The following TRIP12 variants were observed in gnomAD, a reference collection of about 807,000 sequenced individuals.
The protein encoded by TRIP12 is E3 ubiquitin-protein ligase TRIP12.
In TRIP12, 25 loss-of-function variants were observed where a neutral mutation model predicts 244.2. The ratio of observed to expected loss-of-function variants is 0.10; its 90% CI spans 0.07 to 0.14. The LOEUF is 0.14. Among genes scored for constraint, TRIP12 ranks in the 10% least tolerant of loss-of-function variants. The pLI is 1.00. For synonymous variants in TRIP12, 905 were observed against 873.1 expected (o/e 1.04, Z -0.64); for missense variants, 1,677 against 2,486.4 (o/e 0.67, Z 6.92).
At chr2:229,767,817 T>C in intron 41 of TRIP12, 67 bp from the exon 42 acceptor site, 1 of 1,471,486 alleles carries the variant, frequency 6.8e-7, no homozygotes, top group Non-Finnish European at 9.2e-7. Context: ...CAGAAAACAT[T>C]CCACTGCTTT....
chr2:229,892,310 G>A (rs765841195), intron 1 of TRIP12, among the ~76,000 whole-genome samples: 1 of 152,104 alleles, frequency 6.6e-6, no homozygotes, highest in Non-Finnish European at 1.5e-5. Flanking sequence ...AGAAGCAGGG[G>A]GAAGGAAAGG....
intron 2 of TRIP12, among the ~76,000 whole-genome samples, chr2:229,863,238 AAAAG>A (rs1309475716): frequency 1.2e-4 from 18 of 152,018 alleles, no homozygotes; most frequent in South Asian, 2.1e-4. Flanking sequence ...CGAAAAAAAA[AAAAG>A]AAAGAAAGAA....
intron 2 of TRIP12, among the ~76,000 whole-genome samples, chr2:229,865,313 A>C (rs1295879217): frequency 1.3e-5 from 1 of 75,556 alleles, no homozygotes; most frequent in Non-Finnish European, 2.6e-5. Context: ...ATCCTCTCTC[A>C]ACTACAAAAA....
chr2:229,889,399 G>C (rs896505826), intron 1 of TRIP12, among the ~76,000 whole-genome samples: 2 of 152,126 alleles, frequency 1.3e-5, no homozygotes, highest in Non-Finnish European at 2.9e-5. Flanking sequence ...TCCTGTCTTA[G>C]CTCAGATGGC....
In TRIP12 at chr2:229,858,894, A is replaced by C. The variant is rs202077074; in HGVS notation, c.905T>G (p.Phe302Cys). The change falls in exon 4 of 42, where the codon TTT becomes TGT. Residue 302 changes from phenylalanine to cysteine, a missense_variant. By Grantham distance (205) the Phe-to-Cys change is radical (BLOSUM62 -2). Around this residue, in one of 11 missense-constraint regions of TRIP12, gnomAD observed 387 missense variants for 392.6 expected, o/e 0.99. Transcript: ENST00000675903. Reference protein sequence around the residue: ...EQSKTGGSSKFDWAARFSPKV... With the variant: ...EQSKTGGSSKCDWAARFSPKV... ...AGGGCTGAAACGAGCAGCCCAATCA[A>C]ATTTTGAAGAGCCACCAGTTTTACT... 52 of 1,614,012 alleles carry C rather than the reference A, an allele frequency of 3.2e-5. No homozygotes were observed. Among genetic ancestry groups the C allele is most frequent in the Non-Finnish European group, 7.6e-6 (9 of 1,180,020 alleles).
intron 3 of TRIP12, 24 bp downstream of exon 3, chr2:229,860,382 T>G: frequency 6.3e-7 from 1 of 1,584,542 alleles, no homozygotes; most frequent in Admixed American, 1.8e-5. Flanking sequence ...GCCTTGAAAA[T>G]GTATAAGCAA....
chr2:229,906,310 A>C (rs139408053), intron 1 of TRIP12, among the ~76,000 whole-genome samples: 6,043 of 151,250 alleles, frequency 0.04, 186 homozygotes, highest in Non-Finnish European at 0.062. Context: ...TCTCAAAAAA[A>C]AAAAAAAAGA....
intron 4 of TRIP12, among the ~76,000 whole-genome samples, chr2:229,850,010 G>A (rs2058359301): frequency 6.6e-6 from 1 of 150,866 alleles, no homozygotes; most frequent in Non-Finnish European, 1.5e-5. Flanking sequence ...TGTATATTTT[G>A]GTACTTTCTG....
chr2:229,767,800 C>T (rs2032298777), intron 41 of TRIP12, 50 bp from the exon 42 acceptor site: 1 of 1,548,998 alleles, frequency 6.5e-7, no homozygotes, highest in Non-Finnish European at 8.7e-7. Flanking sequence ...TAAAAAACAT[C>T]AGCTATCAGA....
At chr2:229,851,542 C>T (rs911368391) in intron 4 of TRIP12, among the ~76,000 whole-genome samples, 10 of 152,148 alleles carry the variant, frequency 6.6e-5, no homozygotes, top group African/African-American at 2.2e-4. Flanking sequence ...GCAGTGGCAA[C>T]CCGCTCGGGT....
intron 4 of TRIP12, among the ~76,000 whole-genome samples, chr2:229,844,589 T>C (rs565061566): frequency 6.6e-6 from 1 of 152,362 alleles, no homozygotes; most frequent in Admixed American, 6.5e-5. Context: ...TAAAGTATTC[T>C]AGCAATGAAA....
In TRIP12 at chr2:229,917,380, C is replaced by CAAAAAAAAAAAAAAA. The variant is rs60397605; in HGVS notation, c.-50+4485_-50+4499dup. The stretch of plus-strand genomic sequence containing the variant: ...TGGGCAACAGAGCGAGACTCTGTCT[C>CAAAAAAAAAAAAAAA]AAAAAAAAAAAAAAAAAAAAAAAAA... On this transcript the variant is annotated intron_variant, in intron 1 of 41. Transcript: ENST00000675903. 9.6e-4 allele frequency among the ~76,000 whole-genome samples: 28 copies of CAAAAAAAAAAAAAAA among 29,264 alleles called. 5 individuals are homozygous for CAAAAAAAAAAAAAAA. Among genetic ancestry groups the CAAAAAAAAAAAAAAA allele is most frequent in the Non-Finnish European group, 1.0e-3 (17 of 16,780 alleles). The allele number at this position is 29,264 out of a possible 152,430, so 19.2% of individuals were successfully genotyped here. A position where few individuals can be genotyped will look rare whatever the true frequency, so the allele number is the denominator to read the frequency against.
At chr2:229,794,358 A>G (rs920959179) in intron 26 of TRIP12, among the ~76,000 whole-genome samples, 10 of 152,082 alleles carry the variant, frequency 6.6e-5, no homozygotes, top group Non-Finnish European at 1.3e-4. Context: ...CTTGGGCCCA[A>G]GAGTTTGAGA....
intron 32 of TRIP12, among the ~76,000 whole-genome samples, chr2:229,788,490 C>T (rs1033588248): frequency 6.6e-6 from 1 of 152,176 alleles, no homozygotes; most frequent in Non-Finnish European, 1.5e-5. Context: ...CCCAAGCAGG[C>T]TCAGAGAATC....
intron 1 of TRIP12, among the ~76,000 whole-genome samples, chr2:229,920,982 G>A (rs894792825): frequency 6.6e-6 from 1 of 152,100 alleles, no homozygotes; most frequent in Non-Finnish European, 1.5e-5. Flanking sequence ...CGCCTGACTC[G>A]CTCTGAATGC....
At chr2:229,807,558 A>G (rs1263514566) in intron 17 of TRIP12, 150 bp downstream of exon 17, 2 of 963,848 alleles carry the variant, frequency 2.1e-6, no homozygotes, top group African/African-American at 3.2e-5. Flanking sequence ...AACAGAAATG[A>G]GGACCTTGTT....
intron 34 of TRIP12, among the ~76,000 whole-genome samples, chr2:229,784,742 A>AC (rs1302004137): frequency 3.3e-5 from 5 of 152,228 alleles, no homozygotes; most frequent in African/African-American, 1.2e-4. Flanking sequence ...ATGCCGCTAT[A>AC]CATCCACTAG....
intron 16 of TRIP12, 28 bp downstream of exon 16, chr2:229,808,224 C>T (rs377621368): frequency 4.3e-4 from 671 of 1,557,590 alleles, no homozygotes; most frequent in Non-Finnish European, 5.4e-4. Context: ...CCTTGGCCTC[C>T]CAAAGTGATA....
chr2:229,764,238 T>C lies in TRIP12; in HGVS notation c.*3316A>G, dbSNP rs796223062. 1.3e-5 allele frequency: 2 copies of C among 152,236 alleles called. No individual in the cohort carries two copies. The highest frequency in any genetic ancestry group is 4.8e-5 in the African/African-American group (2 of 41,468). The allele number at this position is 152,236 out of a possible 1,614,324, so 9.4% of individuals were successfully genotyped here. A position where few individuals can be genotyped will look rare whatever the true frequency, so the allele number is the denominator to read the frequency against. The stretch of plus-strand genomic sequence containing the variant: ...TAACAAAGGAAGCATCTTCAGTGAT[T>C]TGTCACTAGGTTATCCTTTACCGTG... On this transcript the variant is annotated 3_prime_UTR_variant, in exon 42 of 42. Transcript: ENST00000675903.
Sources: allele counts gnomAD v4.1 joint callset (sites outside exome capture counted in the v4.1 genomes callset), GRCh38; gene constraint gnomAD v4.1.1; regional missense constraint gnomAD v4.1.1; transcripts MANE v1.5; gene names NCBI Gene and HGNC (gene_info 2026-07-23, HGNC 2026-07-21).